The following DTNB variants were observed in gnomAD, a reference collection of about 807,000 sequenced individuals.
DTNB encodes dystrobrevin beta.
DTNB carries 63 observed loss-of-function variants against 90.7 expected under a neutral mutation model. The ratio of observed to expected loss-of-function variants is 0.69; its 90% CI spans 0.57 to 0.86. The LOEUF (loss-of-function observed/expected upper bound fraction) is 0.86, where lower values mean the gene tolerates loss of function less well. Among genes scored for constraint, DTNB ranks in the 40% least tolerant of loss-of-function variants. The pLI is 0.00. For missense variants in DTNB, 744 were observed against 807.1 expected (o/e 0.92, Z 0.95); for synonymous variants, 277 against 286.7 (o/e 0.97, Z 0.34).
chr2:25,455,525 G>A (rs748307787), intron 10 of DTNB, 31 bp from the exon 11 acceptor site: 22 of 1,569,614 alleles, frequency 1.4e-5, no homozygotes, highest in South Asian at 4.6e-5. Context: ...GACAGCAAGC[G>A]TGACACAAAC....
At chr2:25,453,338 T>A (rs772213600) in intron 11 of DTNB, among the ~76,000 whole-genome samples, 3 of 152,188 alleles carry the variant, frequency 2.0e-5, no homozygotes, top group African/African-American at 7.2e-5. Flanking sequence ...GGTCAATGAT[T>A]AGAAAGGATC....
rs367982086 is a variant in DTNB, at chr2:25,458,391, G to A, written c.1080-2897C>T. On this transcript the variant is annotated intron_variant, in intron 10 of 20. Transcript: ENST00000406818. The stretch of plus-strand genomic sequence containing the variant: ...TACTTTTTTTCTAAATGGGAAAAGG[G>A]TTAATGAGAAATCAACAGTTAAAAA... 2.0e-5 allele frequency among the ~76,000 whole-genome samples: 3 copies of A among 151,846 alleles called. No individual in the cohort carries two copies. The East Asian group carries it at 5.8e-4, about 29-fold the overall frequency.
intron 9 of DTNB, among the ~76,000 whole-genome samples, chr2:25,518,229 A>G (rs569526860): frequency 6.6e-6 from 1 of 152,338 alleles, no homozygotes; most frequent in African/African-American, 2.4e-5. Context: ...AAAAAAAAGA[A>G]TACTAAGGGA....
chr2:25,577,769 G>A (rs1248397445), intron 7 of DTNB, among the ~76,000 whole-genome samples: 4 of 152,132 alleles, frequency 2.6e-5, no homozygotes, highest in Non-Finnish European at 4.4e-5. Flanking sequence ...TTGGGAGGCC[G>A]AGGCGGGCAG....
chr2:25,413,862 T>C (rs2047219425), intron 16 of DTNB, among the ~76,000 whole-genome samples: 1 of 152,248 alleles, frequency 6.6e-6, no homozygotes, highest in Non-Finnish European at 1.5e-5. Context: ...CACACCGTCT[T>C]CCACAATGGT....
At position 25,419,511 on chromosome 2, in the gene DTNB, T is replaced by A; in HGVS notation, c.1575+4A>T. The A allele has an allele frequency of 6.4e-7, 1 of 1,558,876 alleles. No homozygotes were observed. Among genetic ancestry groups the A allele is most frequent in the South Asian group, 1.2e-5 (1 of 84,340 alleles). On this transcript the variant is annotated splice_donor_region_variant and intron_variant, in intron 16 of 20. Transcript: ENST00000406818. ...TCCGGCGGGAAATTCCGAAGTTCAC[T>A]TACTGCCTGCTTTTGCTCTTCCTCC...
chr2:25,539,910 T>C (rs1402908431), intron 8 of DTNB, among the ~76,000 whole-genome samples: 1 of 152,196 alleles, frequency 6.6e-6, no homozygotes, highest in Non-Finnish European at 1.5e-5. Flanking sequence ...CAGGAAATAA[T>C]CCAATTTTGT....
chr2:25,627,971 T>C (rs376590853), intron 4 of DTNB, among the ~76,000 whole-genome samples, 200 bp downstream of exon 4: 81 of 152,174 alleles, frequency 5.3e-4, no homozygotes, highest in East Asian at 1.2e-3. Context: ...CTCCTGACCT[T>C]GTGATTTGCC....
chr2:25,501,254 C>CT (rs775138931), intron 9 of DTNB, among the ~76,000 whole-genome samples: 2 of 151,942 alleles, frequency 1.3e-5, no homozygotes, highest in Non-Finnish European at 2.9e-5. Context: ...ACTCTGTCAC[C>CT]TAGGCTTGAG....
chr2:25,494,756 T>C (rs769859570), intron 9 of DTNB, among the ~76,000 whole-genome samples: 9 of 152,110 alleles, frequency 5.9e-5, no homozygotes, highest in Non-Finnish European at 1.0e-4. Context: ...TTATCCCAAT[T>C]TGAAAATCCC....
intron 12 of DTNB, among the ~76,000 whole-genome samples, chr2:25,435,415 C>T (rs1395307272): frequency 6.6e-6 from 1 of 152,214 alleles, no homozygotes; most frequent in Non-Finnish European, 1.5e-5. Flanking sequence ...CATCCCCCTT[C>T]CCTCGCCCTT....
intron 16 of DTNB, among the ~76,000 whole-genome samples, chr2:25,406,035 G>A (rs1221220647): frequency 6.6e-6 from 1 of 152,206 alleles, no homozygotes; most frequent in Non-Finnish European, 1.5e-5. Flanking sequence ...AGAGGGAAGA[G>A]CAGGAGGCTG....
intron 8 of DTNB, among the ~76,000 whole-genome samples, chr2:25,541,332 TAG>T (rs1489846421): frequency 6.6e-6 from 1 of 151,704 alleles, no homozygotes; most frequent in Non-Finnish European, 1.5e-5. Context: ...TACAAAAAAT[TAG>T]CTGGGCGTGG....
chr2:25,427,422 A>T, intron 15 of DTNB, 113 bp downstream of exon 15: 1 of 978,696 alleles, frequency 1.0e-6, no homozygotes, highest in Non-Finnish European at 1.5e-6. Flanking sequence ...AACTGATTCT[A>T]GGCTAAAGTC....
intron 5 of DTNB, among the ~76,000 whole-genome samples, chr2:25,600,276 G>T (rs1027233984): frequency 6.6e-6 from 1 of 152,230 alleles, no homozygotes. Flanking sequence ...GCCACTTAAC[G>T]AATGACTTCT....
At chr2:25,630,844 CAAAAAAAAAAA>C (rs1169600129) in intron 3 of DTNB, among the ~76,000 whole-genome samples, 2 of 62,920 alleles carry the variant, frequency 3.2e-5, no homozygotes, top group East Asian at 2.0e-3. Flanking sequence ...AACTCCGTCC[CAAAAAAAAAAA>C]AAAAAAAAAA....
Position 25,532,054 on chromosome 2 carries a change from C to T in DTNB, c.877-457G>A, listed in dbSNP as rs1175616436. On this transcript the variant is annotated intron_variant, in intron 8 of 20. Transcript: ENST00000406818. ...CTGAGGTTGGGAGTTTGAGACTAGCCCAACCAACATGTTGAAACCATGTCT... is the reference window on the plus strand; with the variant it reads ...CTGAGGTTGGGAGTTTGAGACTAGCTCAACCAACATGTTGAAACCATGTCT... Among the ~76,000 whole-genome samples, 4 of 152,020 alleles carry T rather than the reference C, an allele frequency of 2.6e-5. No homozygotes were observed. In the East Asian group the frequency reaches 7.7e-4, roughly 29 times the overall value.
At chr2:25,473,533 AAG>A (rs1342800521) in intron 10 of DTNB, among the ~76,000 whole-genome samples, 1 of 152,230 alleles carries the variant, frequency 6.6e-6, no homozygotes, top group Non-Finnish European at 1.5e-5. Context: ...ATTACATAGT[AAG>A]AGAGGAAGAG....
At chr2:25,560,293 T>C (rs180925491) in intron 8 of DTNB, among the ~76,000 whole-genome samples, 37 of 152,320 alleles carry the variant, frequency 2.4e-4, no homozygotes, top group African/African-American at 8.7e-4. Flanking sequence ...GACTGGGCTA[T>C]GAGAAGCTCA....
Sources: gnomAD v4.1 joint callset for allele counts (sites outside exome capture counted in the v4.1 genomes callset) on GRCh38, gnomAD v4.1.1 for gene constraint, MANE v1.5 for transcripts, NCBI Gene and HGNC (gene_info 2026-07-23, HGNC 2026-07-21) for gene names.